CCDC92B: variants seen among roughly 807,000 people sequenced by gnomAD.
CCDC92B encodes coiled-coil domain-containing 92B.
CCDC92B carries 2 observed loss-of-function variants against 5.6 expected under a neutral mutation model. The observed-to-expected ratio is 0.36, with a 90% CI of 0.15 to 1.12. The LOEUF is 1.12. CCDC92B is among the 50% of genes most tolerant of loss of function. The pLI is 0.40. For missense variants in CCDC92B, 271 were observed against 262.2 expected (o/e 1.03, Z -0.23); for synonymous variants, 115 against 122.3 (o/e 0.94, Z 0.39).
intron 1 of CCDC92B, among the ~76,000 whole-genome samples, chr17:2,749,084 G>T (rs1002335656): frequency 6.6e-6 from 1 of 152,230 alleles, no homozygotes; most frequent in Non-Finnish European, 1.5e-5. Context: ...GGGGTTGGGG[G>T]GGGGATGTGG....
chr17:2,729,690 A>G (rs1262937773), intron 3 of CCDC92B, among the ~76,000 whole-genome samples: 1 of 152,170 alleles, frequency 6.6e-6, no homozygotes, highest in Non-Finnish European at 1.5e-5. Flanking sequence ...TTGTAGGAGT[A>G]CCATTCATTA....
chr17:2,728,548 A>T (rs7220305), intron 3 of CCDC92B, among the ~76,000 whole-genome samples: 1 of 151,232 alleles, frequency 6.6e-6, no homozygotes, highest in African/African-American at 2.4e-5. Flanking sequence ...GCTTGCAGTG[A>T]GCCGAGACCG....
At chr17:2,739,146 T>C (rs1238021816) in intron 1 of CCDC92B, among the ~76,000 whole-genome samples, 1 of 151,146 alleles carries the variant, frequency 6.6e-6, no homozygotes, top group Non-Finnish European at 1.5e-5. Flanking sequence ...GGTGGGCGGA[T>C]CACGAGGTCA....
chr17:2,723,960 G>T lies in CCDC92B; in HGVS notation c.*451C>A, dbSNP rs1284633422. The T allele has an allele frequency of 2.0e-6, 2 of 980,644 alleles. No homozygotes were observed. The highest frequency in any genetic ancestry group is 3.5e-5 in the African/African-American group (2 of 56,724). 60.7% of individuals were successfully genotyped at this position (980,644 alleles called of 1,614,324 possible). On this transcript the variant is annotated 3_prime_UTR_variant, in exon 4 of 4. Transcript: ENST00000614400. ...AAGAAGGCTTGGCGGGAAGGGCGTC[G>T]GCGCGGGGGTGGGGGAGGCGGGGGG...
At chr17:2,741,277 CAG>C (rs35379161) in intron 1 of CCDC92B, among the ~76,000 whole-genome samples, 59 of 152,158 alleles carry the variant, frequency 3.9e-4, no homozygotes, top group Admixed American at 3.8e-3. Context: ...GTCTGAGAAA[CAG>C]ACATTGCCGC....
intron 1 of CCDC92B, among the ~76,000 whole-genome samples, chr17:2,744,946 G>A (rs2070968149): frequency 6.6e-6 from 1 of 151,730 alleles, no homozygotes; most frequent in African/African-American, 2.4e-5. Flanking sequence ...GCGTGTGCCT[G>A]TGGTCCCAGC....
chr17:2,740,882 C>T (rs2070918284), intron 1 of CCDC92B, among the ~76,000 whole-genome samples: 1 of 140,778 alleles, frequency 7.1e-6, no homozygotes, highest in South Asian at 2.3e-4. Flanking sequence ...GGGAAGATGG[C>T]TTGGGCCCAG....
chr17:2,739,404 G>T (rs1216675041), intron 1 of CCDC92B, among the ~76,000 whole-genome samples: 1 of 151,042 alleles, frequency 6.6e-6, no homozygotes, highest in African/African-American at 2.4e-5. Flanking sequence ...AAACAGGCTG[G>T]GCGCGGTGGC....
At chr17:2,728,345 T>C (rs561058600) in intron 3 of CCDC92B, among the ~76,000 whole-genome samples, 34 of 149,070 alleles carry the variant, frequency 2.3e-4, no homozygotes, top group Admixed American at 8.7e-4. Context: ...CGGTGGCTCA[T>C]GCCTGTAATC....
At position 2,724,698 on chromosome 17, in the gene CCDC92B, TGGCGCCGGGGCCCGGGCGCGG is replaced by T; in HGVS notation, c.460_480del (p.Pro154_Ala160del). ...CGGCGGCGTGGCCTGGGCTCGGCGG[TGGCGCCGGGGCCCGGGCGCGG>T]GGCCTGCAGTCTCTGGCGCGCCGCG... On this transcript the variant is annotated inframe_deletion, in exon 4 of 4. Transcript: ENST00000614400. The surrounding 1 kb of genome is among the most constrained non-coding windows in gnomAD (Gnocchi z 5.0). The T allele has an allele frequency of 2.0e-6, 2 of 981,760 alleles. No individual in the cohort carries two copies. Among genetic ancestry groups the T allele is most frequent in the Non-Finnish European group, 2.4e-6 (2 of 828,312 alleles). 60.8% of individuals were successfully genotyped at this position (981,760 alleles called of 1,614,324 possible). A position where few individuals can be genotyped will look rare whatever the true frequency, so the allele number is the denominator to read the frequency against.
intron 1 of CCDC92B, among the ~76,000 whole-genome samples, chr17:2,737,830 G>A (rs1181625698): frequency 6.6e-6 from 1 of 151,748 alleles, no homozygotes; most frequent in Non-Finnish European, 1.5e-5. Context: ...TGTGGGGATC[G>A]CTGGCTACAT....
intron 1 of CCDC92B, among the ~76,000 whole-genome samples, chr17:2,746,940 G>A (rs774119634): frequency 9.9e-5 from 15 of 152,146 alleles, no homozygotes; most frequent in Admixed American, 6.5e-4. Flanking sequence ...CCAAAGGGCT[G>A]GGACTACAGA....
intron 1 of CCDC92B, among the ~76,000 whole-genome samples, chr17:2,742,097 G>T (rs1288406081): frequency 6.7e-6 from 1 of 150,152 alleles, no homozygotes. Flanking sequence ...TTTGAGACGG[G>T]ATCTCACTCT....
chr17:2,732,455 G>A, intron 2 of CCDC92B, among the ~76,000 whole-genome samples: 1 of 152,174 alleles, frequency 6.6e-6, no homozygotes, highest in East Asian at 1.9e-4. Context: ...GGTAGCTCAT[G>A]CCTGTAAAGC....
chr17:2,739,117 C>G lies in CCDC92B; in HGVS notation c.-23-3949G>C, dbSNP rs550870987. On this transcript the variant is annotated intron_variant, in intron 1 of 3. Transcript: ENST00000614400. ...GCGCAATGGCTCACGCCTGTAATCC[C>G]AGCACTTTGGGAGGCCAAGGTGGGC... Among the ~76,000 whole-genome samples the G allele has an allele frequency of 2.5e-3, 383 of 151,668 alleles. 3 individuals are homozygous for G. Among genetic ancestry groups the G allele is most frequent in the Middle Eastern group, 6.8e-3 (2 of 294 alleles).
chr17:2,746,919 G>A (rs1186018334), intron 1 of CCDC92B, among the ~76,000 whole-genome samples: 2 of 152,078 alleles, frequency 1.3e-5, no homozygotes, highest in African/African-American at 4.8e-5. Context: ...TGATCCATCC[G>A]CCTCAGCCTC....
intron 1 of CCDC92B, among the ~76,000 whole-genome samples, chr17:2,735,561 G>A (rs60630741): frequency 6.6e-6 from 1 of 152,130 alleles, no homozygotes; most frequent in South Asian, 2.1e-4. Flanking sequence ...CTCCTGAGTA[G>A]CTGGGATTAC....
intron 2 of CCDC92B, among the ~76,000 whole-genome samples, chr17:2,733,174 C>G (rs1208470234): frequency 1.3e-5 from 2 of 151,432 alleles, no homozygotes; most frequent in African/African-American, 2.4e-5. Flanking sequence ...GGCCCGTGTC[C>G]TAAAAAGAGC....
intron 1 of CCDC92B, among the ~76,000 whole-genome samples, chr17:2,744,295 G>A (rs2070960683): frequency 6.6e-6 from 1 of 151,954 alleles, no homozygotes; most frequent in Non-Finnish European, 1.5e-5. Context: ...TCTCAAAAGT[G>A]CTGGGATTAC....
Sources: allele counts gnomAD v4.1 joint callset (sites outside exome capture counted in the v4.1 genomes callset), GRCh38; gene constraint gnomAD v4.1.1; non-coding constraint Gnocchi (gnomAD v3.1); transcripts MANE v1.5; gene names NCBI Gene and HGNC (gene_info 2026-07-23, HGNC 2026-07-21).